Variants in COL1A1 observed in about 807,000 individuals in gnomAD.
The protein encoded by COL1A1 is collagen type I alpha 1 chain, also known as collagen alpha-1(I) chain.
In COL1A1, 21 loss-of-function variants were observed where a neutral mutation model predicts 195.7. The observed-to-expected ratio is 0.11, with a 90% CI of 0.08 to 0.15. The LOEUF (loss-of-function observed/expected upper bound fraction) is 0.15. Ranked by LOEUF, COL1A1 falls within the 10% of genes least tolerant of loss-of-function variation. The pLI, the probability that COL1A1 is intolerant of heterozygous loss-of-function variation, is 1.00. For missense variants in COL1A1, 1,365 were observed against 2,051.0 expected, an observed-to-expected ratio of 0.67 and a Z score of 6.46; for synonymous variants, 749 against 747.3, an observed-to-expected ratio of 1.00 and a Z score of -0.04.
chr17:50,191,059 T>C, intron 32 of COL1A1, 135 bp from the exon 33 acceptor site: 1 of 878,772 alleles, frequency 1.1e-6, no homozygotes, highest in African/African-American at 1.7e-5. Context: ...GACTCAAAGA[T>C]TCTTTCAGGA....
intron 29 of COL1A1, 135 bp downstream of exon 29, chr17:50,192,340 T>C: frequency 1.9e-6 from 2 of 1,054,080 alleles, no homozygotes; most frequent in Non-Finnish European, 2.9e-6. Flanking sequence ...TGCTGCTCCC[T>C]TCATGGGAGG....
At chr17:50,193,873 A>G (rs1179444655) in intron 25 of COL1A1, 70 bp downstream of exon 25, 20 of 1,381,724 alleles carry the variant, frequency 1.4e-5, no homozygotes, top group East Asian at 4.6e-5. Flanking sequence ...CTGAGCCCAG[A>G]GCCCAGGACT....
chr17:50,197,611 C>G (rs1773383711), intron 9 of COL1A1, 121 bp downstream of exon 9: 1 of 811,374 alleles, frequency 1.2e-6, no homozygotes, highest in Non-Finnish European at 2.0e-6. Context: ...GTCCGTGCAT[C>G]AGAGAGGACT....
At position 50,195,528 on chromosome 17, in the gene COL1A1, A is replaced by C; in HGVS notation, c.1155+39T>G. The C allele has an allele frequency of 6.2e-7, 1 of 1,614,058 alleles. No individual in the cohort carries two copies. Among genetic ancestry groups the C allele is most frequent in the Non-Finnish European group, 8.5e-7 (1 of 1,179,954 alleles). On this transcript the variant is annotated intron_variant, in intron 17 of 50. Coordinates refer to ENST00000225964, the MANE Select transcript of COL1A1 (RefSeq NM_000088.4). This position sits in a 1 kb window ranked among gnomAD's most constrained non-coding sequence, Gnocchi z 4.3. Reference sequence around the variant, plus strand: ...AGCAACAGGCAAGGACTCTGAGGTTAGAAAGTGGCAAAGGGGACACTGAGT... The same window carrying C: ...AGCAACAGGCAAGGACTCTGAGGTTCGAAAGTGGCAAAGGGGACACTGAGT...
chr17:50,195,322 A>C lies in COL1A1; in HGVS notation c.1209T>G (p.Pro403=). 1 of 1,613,810 alleles carries C rather than the reference A, an allele frequency of 6.2e-7. No homozygotes were observed. The highest frequency in any genetic ancestry group is 8.5e-7 in the Non-Finnish European group (1 of 1,179,912). ...GGAAGCCAGGAGCACCAGCAATACC[A>C]GGAGCACCCTGTGGGAGGCAGACAG... The part of the protein sequence containing the change: ...QPGAKGANGA[P]GIAGAPGFPG... The change falls in exon 19 of 51, where the codon CCT becomes CCG. Residue 403 remains proline (P), a synonymous_variant. Coordinates refer to ENST00000225964, the MANE Select transcript of COL1A1 (RefSeq NM_000088.4). This position sits in a 1 kb window ranked among gnomAD's most constrained non-coding sequence, Gnocchi z 4.3.
intron 6 of COL1A1, 53 bp from the exon 7 acceptor site, chr17:50,198,258 G>T: frequency 6.2e-7 from 1 of 1,604,616 alleles, no homozygotes; most frequent in South Asian, 1.1e-5. Context: ...AGGAAAGCAT[G>T]TGGATGTAGT....
chr17:50,198,977 GTATT>G (rs1244425881), intron 5 of COL1A1, among the ~76,000 whole-genome samples: 1 of 152,076 alleles, frequency 6.6e-6, no homozygotes, highest in Non-Finnish European at 1.5e-5. Flanking sequence ...ACACACCTAA[GTATT>G]TAGGCGCAAA....
rs749337869 is a variant in COL1A1, at chr17:50,194,735, G to A, written c.1447C>T (p.Pro483Ser). 6.4e-7 allele frequency: 1 copy of A among 1,569,648 alleles called. No individual in the cohort carries two copies. The highest frequency in any genetic ancestry group is 8.6e-7 in the Non-Finnish European group (1 of 1,156,750). ...GEPGPTGLPG[P>S]PGERGGPGSR... is the part of the protein sequence containing the mutation. ...GGGACACTTACACGCTCGCCAGGGG[G>A]TCCGGGCAGGCCAGTGGGTCCGGGT... Residue 483 changes from proline to serine, a missense_variant, in exon 21 of 51, where the codon CCC (proline) becomes TCC (serine). Pro to Ser is a moderately conservative substitution (Grantham distance 74). Around this residue, in one of 5 missense-constraint regions of COL1A1, gnomAD observed 671 missense variants for 1,099.9 expected, o/e 0.61. Coordinates refer to ENST00000225964, the MANE Select transcript of COL1A1 (RefSeq NM_000088.4). The surrounding 1 kb of genome is among the most constrained non-coding windows in gnomAD (Gnocchi z 6.8).
At chr17:50,197,613 G>T in intron 9 of COL1A1, 119 bp downstream of exon 9, 1 of 824,674 alleles carries the variant, frequency 1.2e-6, no homozygotes, top group Non-Finnish European at 2.0e-6. Context: ...CCGTGCATCA[G>T]AGAGGACTTG....
In COL1A1 at chr17:50,190,078, C is replaced by T. The variant is rs199510546; in HGVS notation, c.2482G>A (p.Glu828Lys). The change falls in exon 36 of 51, where the codon GAA becomes AAA. Residue 828 changes from glutamate (E) to lysine (K), a missense_variant. Physicochemically the swap from Glu to Lys is moderately conservative, Grantham distance 56. Coordinates refer to ENST00000225964, the MANE Select transcript of COL1A1 (RefSeq NM_000088.4). This position sits in a 1 kb window ranked among gnomAD's most constrained non-coding sequence, Gnocchi z 4.7. ...GADGQPGAKG[E>K]PGDAGAKGDA... Reference sequence around the variant, plus strand: ...CCTTTAGCACCAGCATCACCAGGTTCGCCTTTAGCACCAGGTTGGCCGTCA... The same window carrying T: ...CCTTTAGCACCAGCATCACCAGGTTTGCCTTTAGCACCAGGTTGGCCGTCA... The T allele has an allele frequency of 3.7e-6, 6 of 1,612,788 alleles. No individual in the cohort carries two copies. Among genetic ancestry groups the T allele is most frequent in the East Asian group, 2.2e-5 (1 of 44,764 alleles).
At position 50,192,467 on chromosome 17, in the gene COL1A1, C is replaced by T. The variant is rs369016337; in HGVS notation, c.1983+8G>A. ...CTCCCACCCCTCTGGCCGGCTGCTC[C>T]CTCTTACCTGTTCACCAGGTTTGCC... On this transcript the variant is annotated splice_region_variant and intron_variant, in intron 29 of 50. Coordinates refer to ENST00000225964, the MANE Select transcript of COL1A1 (RefSeq NM_000088.4). 2.5e-6 allele frequency: 4 copies of T among 1,606,744 alleles called. No homozygotes were observed. In the African/African-American group the frequency reaches 5.4e-5, roughly 22 times the overall value.
Position 50,197,718 on chromosome 17 carries a change from C to G in COL1A1, c.696+14G>C. 2 of 1,573,142 alleles carry G rather than the reference C, an allele frequency of 1.3e-6. No individual in the cohort carries two copies. The highest frequency in any genetic ancestry group is 1.7e-6 in the Non-Finnish European group (2 of 1,163,556). ...CATGGGGTCAGATGGTATCTTCTTGCTGGGGATACTTACATCATCTCCATT... is the reference window on the plus strand; with the variant it reads ...CATGGGGTCAGATGGTATCTTCTTGGTGGGGATACTTACATCATCTCCATT... On this transcript the variant is annotated intron_variant, in intron 9 of 50. Coordinates refer to ENST00000225964, the MANE Select transcript of COL1A1 (RefSeq NM_000088.4).
At chr17:50,200,221 T>TG in intron 1 of COL1A1, 1 of 431,996 alleles carries the variant, frequency 2.3e-6, no homozygotes, top group South Asian at 2.1e-5. Context: ...CTCAGCCCAT[T>TG]GGCGCTGAAG....
At position 50,185,912 on chromosome 17, in the gene COL1A1, T is replaced by C. The variant is rs763622311; in HGVS notation, c.4114A>G (p.Asn1372Asp). The change falls in exon 50 of 51, where the codon AAC becomes GAC. Residue 1372 changes from asparagine to aspartate, a missense_variant. Coordinates refer to ENST00000225964, the MANE Select transcript of COL1A1 (RefSeq NM_000088.4). ...ASQNITYHCK[N>D]SVAYMDQQTG... is the part of the protein sequence containing the mutation. ...TGCTGGTCCATGTAGGCCACGCTGTTCTTGCAGTGGTAGGTGATGTTCTGG... is the reference window on the plus strand; with the variant it reads ...TGCTGGTCCATGTAGGCCACGCTGTCCTTGCAGTGGTAGGTGATGTTCTGG... The C allele has an allele frequency of 6.2e-7, 1 of 1,614,068 alleles. No homozygotes were observed. The highest frequency in any genetic ancestry group is 1.7e-5 in the Admixed American group (1 of 60,008).
Position 50,187,132 on chromosome 17 carries a change from G to C in COL1A1, c.3424-10C>G. The C allele has an allele frequency of 2.5e-6, 4 of 1,594,042 alleles. No homozygotes were observed. The highest frequency in any genetic ancestry group is 3.4e-6 in the Non-Finnish European group (4 of 1,168,946). On this transcript the variant is annotated splice_polypyrimidine_tract_variant and intron_variant, in intron 46 of 50. Transcript: ENST00000225964. The stretch of plus-strand genomic sequence containing the variant: ...CAGAGCCAGGGGGACCCTGGAGTGG[G>C]GGAAATGGTTTGAGAAAGGCTGCCA...
Position 50,198,010 on chromosome 17 carries a change from AG to A in COL1A1, c.589-9del, listed in dbSNP as rs1290027711. ...TTGGAAGCCTTGGGGACCCTTGAGA[AG>A]AAGGAAAAAGATGGGTTAGAAGACA... On this transcript the variant is annotated splice_polypyrimidine_tract_variant and intron_variant, in intron 7 of 50. Coordinates refer to ENST00000225964, the MANE Select transcript of COL1A1 (RefSeq NM_000088.4). 1.9e-6 allele frequency: 3 copies of A among 1,613,860 alleles called. No individual in the cohort carries two copies. Among genetic ancestry groups the A allele is most frequent in the Non-Finnish European group, 2.5e-6 (3 of 1,179,948 alleles).
intron 1 of COL1A1, among the ~76,000 whole-genome samples, chr17:50,200,971 C>T (rs547979442): frequency 1.3e-5 from 2 of 152,220 alleles, no homozygotes; most frequent in Admixed American, 6.5e-5. Context: ...TCCGCGGCTG[C>T]CCAGCACCCC....
At position 50,194,546 on chromosome 17, in the gene COL1A1, AG is replaced by A; in HGVS notation, c.1515+26del. The stretch of plus-strand genomic sequence containing the variant: ...AAGATGCCCAGGGAGCGGCAGGGTC[AG>A]CCCCCCGGCCGCAAGGAGAGGTTAC... On this transcript the variant is annotated intron_variant, in intron 22 of 50. Coordinates refer to ENST00000225964, the MANE Select transcript of COL1A1 (RefSeq NM_000088.4). The surrounding 1 kb of genome is among the most constrained non-coding windows in gnomAD (Gnocchi z 6.8). 6.2e-7 allele frequency: 1 copy of A among 1,604,878 alleles called. No individual in the cohort carries two copies. Among genetic ancestry groups the A allele is most frequent in the Non-Finnish European group, 8.5e-7 (1 of 1,175,802 alleles).
chr17:50,188,256 C>T lies in COL1A1; in HGVS notation c.3208-107G>A, dbSNP rs1489366899. 1.3e-5 allele frequency: 15 copies of T among 1,147,560 alleles called. 1 individual carries two copies. The highest frequency in any genetic ancestry group is 1.7e-5 in the Non-Finnish European group (14 of 819,524). The allele number at this position is 1,147,560 out of a possible 1,614,324, so 71.1% of individuals were successfully genotyped here. A position where few individuals can be genotyped will look rare whatever the true frequency, so the allele number is the denominator to read the frequency against. On this transcript the variant is annotated intron_variant, in intron 43 of 50. Coordinates refer to ENST00000225964, the MANE Select transcript of COL1A1 (RefSeq NM_000088.4). This position sits in a 1 kb window ranked among gnomAD's most constrained non-coding sequence, Gnocchi z 5.6. ...GATCTCTCTCTCCTCAGCTGCTTCC[C>T]ACTGTGGCCATCTCTCCCAACTCCC... is the stretch of plus-strand genomic sequence containing the variant.
Sources: gnomAD v4.1 joint callset for allele counts (sites outside exome capture counted in the v4.1 genomes callset) on GRCh38, gnomAD v4.1.1 for gene constraint, gnomAD v4.1.1 regional missense constraint, Gnocchi (gnomAD v3.1) non-coding constraint, MANE v1.5 for transcripts, NCBI Gene and HGNC (gene_info 2026-07-23, HGNC 2026-07-21) for gene names.